Variants in PPP2CA observed in about 807,000 individuals in gnomAD.
The protein encoded by PPP2CA is serine/threonine-protein phosphatase 2A catalytic subunit alpha isoform.
A neutral mutation model predicts 38.8 loss-of-function variants in PPP2CA; 5 were observed. That is an observed-to-expected ratio of 0.13 (90% CI 0.07 to 0.27). The LOEUF (loss-of-function observed/expected upper bound fraction) is 0.27. Among genes scored for constraint, PPP2CA ranks in the 10% least tolerant of loss-of-function variants. The pLI, the probability that PPP2CA is intolerant of heterozygous loss-of-function variation, is 1.00. For missense variants in PPP2CA, 88 were observed against 389.7 expected, an observed-to-expected ratio of 0.23 and a Z score of 6.52; for synonymous variants, 152 against 134.0, an observed-to-expected ratio of 1.13 and a Z score of -0.93.
At chr5:134,197,914 A>T (rs1448066888) in intron 6 of PPP2CA, 70 bp from the exon 7 acceptor site, 4 of 1,329,188 alleles carry the variant, frequency 3.0e-6, no homozygotes, top group Non-Finnish European at 3.2e-6. Flanking sequence ...GATCAAGAAC[A>T]TGAGTCTTCC....
chr5:134,222,187 T>C (rs1157100316), intron 1 of PPP2CA, among the ~76,000 whole-genome samples: 5 of 152,086 alleles, frequency 3.3e-5, no homozygotes, highest in African/African-American at 1.2e-4. Flanking sequence ...AGTCTTTGAG[T>C]TGCATCTGTA....
chr5:134,215,241 G>C (rs1762291820), intron 1 of PPP2CA, among the ~76,000 whole-genome samples: 1 of 151,816 alleles, frequency 6.6e-6, no homozygotes, highest in African/African-American at 2.4e-5. Flanking sequence ...TAGAACCACA[G>C]GTGTGCCACC....
intron 1 of PPP2CA, among the ~76,000 whole-genome samples, chr5:134,213,221 T>C (rs1232989893): frequency 6.6e-6 from 1 of 152,190 alleles, no homozygotes; most frequent in Non-Finnish European, 1.5e-5. Context: ...CTAATGTAGC[T>C]GGTGACTTTC....
Position 134,195,592 on chromosome 5 carries a change from TG to T in PPP2CA, c.*2179del, listed in dbSNP as rs1401808859. On this transcript the variant is annotated 3_prime_UTR_variant, in exon 7 of 7. Coordinates refer to ENST00000481195, the MANE Select transcript of PPP2CA (RefSeq NM_002715.4). ...TTAGGTTTATTAATGAAAATCCTAA[TG>T]TTACTAATTGAGACATCAGTTAACA... 5.9e-5 allele frequency: 9 copies of T among 152,196 alleles called. No individual in the cohort carries two copies. Among genetic ancestry groups the T allele is most frequent in the African/African-American group, 2.2e-4 (9 of 41,432 alleles). The allele number at this position is 152,196 out of a possible 1,614,324, so 9.4% of individuals were successfully genotyped here. A position where few individuals can be genotyped will look rare whatever the true frequency, so the allele number is the denominator to read the frequency against.
Position 134,197,645 on chromosome 5 carries a change from G to T in PPP2CA, c.*127C>A. The stretch of plus-strand genomic sequence containing the variant: ...TGTATTTTTATATGGCACATCTTTT[G>T]GTCCATGTGAAAACAAGTTTTTTGA... On this transcript the variant is annotated 3_prime_UTR_variant, in exon 7 of 7. Coordinates refer to ENST00000481195, the MANE Select transcript of PPP2CA (RefSeq NM_002715.4). 1.4e-6 allele frequency: 1 copy of T among 720,668 alleles called. No individual in the cohort carries two copies. The highest frequency in any genetic ancestry group is 2.4e-6 in the Non-Finnish European group (1 of 415,600). The allele number at this position is 720,668 out of a possible 1,614,324, so 44.6% of individuals were successfully genotyped here.
intron 1 of PPP2CA, among the ~76,000 whole-genome samples, chr5:134,207,147 T>A (rs1278890446): frequency 6.6e-6 from 1 of 152,204 alleles, no homozygotes; most frequent in Non-Finnish European, 1.5e-5. Flanking sequence ...CTCGCACCTG[T>A]AATCCCAGCA....
intron 1 of PPP2CA, among the ~76,000 whole-genome samples, chr5:134,219,011 A>ACC (rs1762383114): frequency 6.6e-6 from 1 of 152,086 alleles, no homozygotes; most frequent in African/African-American, 2.4e-5. Context: ...CTAGAATTCT[A>ACC]CCCCATCCTA....
chr5:134,225,313 T>C (rs1445388657), intron 1 of PPP2CA: 2 of 158,716 alleles, frequency 1.3e-5, no homozygotes, highest in African/African-American at 4.8e-5. Flanking sequence ...CTAACAAGAC[T>C]GCCTTTGGGG....
rs147029154 is a variant in PPP2CA at position 134,214,603 on chromosome 5, G to A, written c.103-8472C>T. On this transcript the variant is annotated intron_variant, in intron 1 of 6. Coordinates refer to ENST00000481195, the MANE Select transcript of PPP2CA (RefSeq NM_002715.4). ...TTTAATTGGCATTTTTCATTTCTGA[G>A]TACAAACTTTTTATTCCATGTTTAT... Among the ~76,000 whole-genome samples, 110 of 152,168 alleles carry A rather than the reference G, an allele frequency of 7.2e-4. 1 individual carries two copies. Among genetic ancestry groups the A allele is most frequent in the African/African-American group, 2.5e-3 (105 of 41,532 alleles).
intron 1 of PPP2CA, among the ~76,000 whole-genome samples, chr5:134,217,447 A>AT (rs1486378099): frequency 6.6e-6 from 1 of 152,202 alleles, no homozygotes; most frequent in Non-Finnish European, 1.5e-5. Context: ...TTTGAATTTT[A>AT]TTTTTCAGTT....
intron 1 of PPP2CA, among the ~76,000 whole-genome samples, chr5:134,221,548 T>C (rs190546591): frequency 3.3e-5 from 5 of 152,298 alleles, no homozygotes; most frequent in Middle Eastern, 3.4e-3. Context: ...GGTTTTCATC[T>C]CACCAATCTC....
intron 1 of PPP2CA, among the ~76,000 whole-genome samples, chr5:134,221,512 C>T (rs1393385465): frequency 2.0e-5 from 3 of 152,100 alleles, no homozygotes; most frequent in African/African-American, 4.8e-5. Context: ...ATGATTTATA[C>T]TAAGAATACA....
intron 1 of PPP2CA, among the ~76,000 whole-genome samples, chr5:134,211,640 ATTTTTT>A (rs57235538): frequency 2.1e-5 from 3 of 141,248 alleles, no homozygotes; most frequent in African/African-American, 7.8e-5. Flanking sequence ...CTCCCAGCTA[ATTTTTT>A]TTTTTTTTTT....
At chr5:134,222,268 C>G (rs1037077324) in intron 1 of PPP2CA, among the ~76,000 whole-genome samples, 3 of 152,048 alleles carry the variant, frequency 2.0e-5, no homozygotes, top group Non-Finnish European at 4.4e-5. Context: ...ACCTGCTTGT[C>G]CTCAATATTC....
intron 2 of PPP2CA, among the ~76,000 whole-genome samples, chr5:134,203,264 G>A (rs866560859): frequency 6.6e-6 from 1 of 152,102 alleles, no homozygotes; most frequent in South Asian, 2.1e-4. Context: ...ATTTATTCTA[G>A]AAGTTTTGTA....
chr5:134,197,680 AT>A lies in PPP2CA; in HGVS notation c.*91del, dbSNP rs1761883375. The A allele has an allele frequency of 9.6e-7, 1 of 1,044,900 alleles. No homozygotes were observed. The highest frequency in any genetic ancestry group is 1.5e-6 in the Non-Finnish European group (1 of 685,658). 64.7% of individuals were successfully genotyped at this position (1,044,900 alleles called of 1,614,324 possible). Reference sequence around the variant, plus strand: ...AAAACAAGTTTTTTGAATGTTAACTATTTTCTGACACTTTGGAGTTACTGTT... The same window carrying A: ...AAAACAAGTTTTTTGAATGTTAACTATTTCTGACACTTTGGAGTTACTGTT... On this transcript the variant is annotated 3_prime_UTR_variant, in exon 7 of 7. Coordinates refer to ENST00000481195, the MANE Select transcript of PPP2CA (RefSeq NM_002715.4).
chr5:134,211,407 T>A (rs779744429), intron 1 of PPP2CA, among the ~76,000 whole-genome samples: 1 of 151,806 alleles, frequency 6.6e-6, no homozygotes, highest in Non-Finnish European at 1.5e-5. Context: ...TGTAGTAACA[T>A]GAAATTACAA....
chr5:134,225,886 C>A lies in PPP2CA; in HGVS notation c.-25G>T. The A allele has an allele frequency of 1.3e-6, 2 of 1,598,318 alleles. No individual in the cohort carries two copies. The highest frequency in any genetic ancestry group is 2.3e-5 in the East Asian group (1 of 44,426). ...TGATGCCACCCGCCCCAGCCGGCTG[C>A]CGCTCCGCGCTGCTCCCGCGCCGCC... On this transcript the variant is annotated 5_prime_UTR_variant, in exon 1 of 7. Coordinates refer to ENST00000481195, the MANE Select transcript of PPP2CA (RefSeq NM_002715.4).
chr5:134,216,254 C>T (rs1273265089), intron 1 of PPP2CA, among the ~76,000 whole-genome samples: 1 of 151,826 alleles, frequency 6.6e-6, no homozygotes, highest in African/African-American at 2.4e-5. Flanking sequence ...CAAGTGGTTT[C>T]GGGTGGGCAC....
Sources: allele counts gnomAD v4.1 joint callset (sites outside exome capture counted in the v4.1 genomes callset), GRCh38; gene constraint gnomAD v4.1.1; transcripts MANE v1.5; gene names NCBI Gene and HGNC (gene_info 2026-07-23, HGNC 2026-07-21).